Variants in ZFHX3 observed in about 807,000 individuals in gnomAD.
The protein encoded by ZFHX3 is zinc finger homeobox 3.
ZFHX3 carries 42 observed loss-of-function variants against 279.1 expected under a neutral mutation model. That is an observed-to-expected ratio of 0.15 (90% confidence interval 0.12 to 0.19). The LOEUF (loss-of-function observed/expected upper bound fraction) is 0.19. ZFHX3 is among the 10% of genes least tolerant of loss of function. The pLI, the probability that ZFHX3 is intolerant of heterozygous loss-of-function variation, is 1.00. For missense variants in ZFHX3, 4,981 were observed against 4,754.0 expected (o/e 1.05, Z -1.40); for synonymous variants, 2,293 against 1,957.8 (o/e 1.17, Z -4.52).
At chr16:73,830,500 A>G (rs1020588439) in intron 1 of ZFHX3, among the ~76,000 whole-genome samples, 2 of 152,196 alleles carry the variant, frequency 1.3e-5, no homozygotes, top group African/African-American at 2.4e-5. Flanking sequence ...CTGTGGGTAC[A>G]TGGGACATGA....
chr16:73,138,321 GT>G (rs1431157426), intron 6 of ZFHX3, among the ~76,000 whole-genome samples: 1 of 152,074 alleles, frequency 6.6e-6, no homozygotes, highest in East Asian at 1.9e-4. Context: ...GTTAATCAAC[GT>G]TTGGGCCCTG....
chr16:73,289,903 G>A (rs889885339), intron 4 of ZFHX3, among the ~76,000 whole-genome samples: 4 of 152,126 alleles, frequency 2.6e-5, no homozygotes, highest in Non-Finnish European at 5.9e-5. Context: ...GTCACCCGGG[G>A]CCCCTTTGGG....
At chr16:73,783,358 C>A (rs973467821) in intron 1 of ZFHX3, among the ~76,000 whole-genome samples, 1 of 152,208 alleles carries the variant, frequency 6.6e-6, no homozygotes. Flanking sequence ...CCATTTCCTT[C>A]CCTCCCTTAG....
chr16:73,434,758 T>C (rs1277507448), intron 3 of ZFHX3, among the ~76,000 whole-genome samples: 2 of 151,946 alleles, frequency 1.3e-5, no homozygotes, highest in Admixed American at 6.6e-5. Flanking sequence ...GCTGGGACAA[T>C]GGTGGAGGTG....
At chr16:73,535,424 A>T (rs1045480271) in intron 2 of ZFHX3, among the ~76,000 whole-genome samples, 6 of 152,192 alleles carry the variant, frequency 3.9e-5, no homozygotes, top group African/African-American at 1.4e-4. Context: ...GTGAGATCTG[A>T]GTGGCTATCT....
intron 1 of ZFHX3, among the ~76,000 whole-genome samples, chr16:73,806,083 G>T (rs865944500): frequency 6.6e-6 from 1 of 152,208 alleles, no homozygotes; most frequent in South Asian, 2.1e-4. Flanking sequence ...AATGGGTGAC[G>T]AGCAAAGGGG....
chr16:73,483,393 G>T (rs1223265152), intron 2 of ZFHX3: 4 of 455,876 alleles, frequency 8.8e-6, no homozygotes, highest in East Asian at 1.4e-4. Context: ...CCGGGAGCCA[G>T]GGTAGGGACC....
intron 2 of ZFHX3, among the ~76,000 whole-genome samples, chr16:72,953,354 A>T (rs1000493606): frequency 2.0e-5 from 3 of 152,176 alleles, no homozygotes; most frequent in Non-Finnish European, 4.4e-5. Context: ...GCCAGGCAAC[A>T]TCCAGGAAAC....
chr16:73,407,686 A>G (rs1001153070), intron 3 of ZFHX3, among the ~76,000 whole-genome samples: 1 of 152,330 alleles, frequency 6.6e-6, no homozygotes. Context: ...CCTCTCCTGC[A>G]TATAGAGATA....
At chr16:72,953,638 C>G (rs1240692952) in intron 2 of ZFHX3, among the ~76,000 whole-genome samples, 1 of 152,060 alleles carries the variant, frequency 6.6e-6, no homozygotes, top group Non-Finnish European at 1.5e-5. Context: ...ATTCTGTTGC[C>G]CAGGCTGGAG....
intron 1 of ZFHX3, among the ~76,000 whole-genome samples, chr16:73,727,149 AC>A (rs1404589979): frequency 6.6e-6 from 1 of 152,286 alleles, no homozygotes; most frequent in East Asian, 1.9e-4. Context: ...CAGAGAGGGG[AC>A]CAGATGCAGT....
chr16:72,937,862 T>C (rs1233983125), intron 3 of ZFHX3, among the ~76,000 whole-genome samples: 1 of 152,260 alleles, frequency 6.6e-6, no homozygotes, highest in Non-Finnish European at 1.5e-5. Context: ...TGGTGTCCTA[T>C]ACTTCTTAAC....
At chr16:73,740,894 A>T (rs1344839930) in intron 1 of ZFHX3, among the ~76,000 whole-genome samples, 1 of 152,216 alleles carries the variant, frequency 6.6e-6, no homozygotes, top group African/African-American at 2.4e-5. Flanking sequence ...GGACACCCTG[A>T]GGTTACCTCC....
intron 3 of ZFHX3, among the ~76,000 whole-genome samples, chr16:73,355,453 G>C (rs1187622860): frequency 6.6e-6 from 1 of 152,072 alleles, no homozygotes; most frequent in East Asian, 1.9e-4. Flanking sequence ...CTTCAACTAG[G>C]GGCAGAAAAG....
At chr16:73,671,960 A>C (rs2052908545) in intron 2 of ZFHX3, among the ~76,000 whole-genome samples, 1 of 151,976 alleles carries the variant, frequency 6.6e-6, no homozygotes, top group East Asian at 1.9e-4. Context: ...GAAGAGTGTC[A>C]TCTTTCTGCT....
intron 3 of ZFHX3, among the ~76,000 whole-genome samples, chr16:73,358,295 C>G (rs8051114): frequency 6.6e-6 from 1 of 152,142 alleles, no homozygotes; most frequent in Admixed American, 6.5e-5. Context: ...AAAGTGAAGG[C>G]GTGTCGCCTG....
At chr16:73,259,991 T>C (rs78695795) in intron 4 of ZFHX3, among the ~76,000 whole-genome samples, 4 of 152,214 alleles carry the variant, frequency 2.6e-5, no homozygotes, top group Non-Finnish European at 5.9e-5. Flanking sequence ...TAAATTTTTT[T>C]TTTCCTTTCC....
chr16:72,932,741 A>T (rs1052942480), intron 3 of ZFHX3, among the ~76,000 whole-genome samples: 2 of 152,052 alleles, frequency 1.3e-5, no homozygotes, highest in Admixed American at 1.3e-4. Flanking sequence ...AAACCAAATT[A>T]TAAAAATAAC....
At chr16:73,605,722 C>T (rs893482189) in intron 2 of ZFHX3, among the ~76,000 whole-genome samples, 5 of 151,794 alleles carry the variant, frequency 3.3e-5, no homozygotes, top group Admixed American at 2.0e-4. Context: ...AGAATGATGT[C>T]GTGAACAGCA....
Sources: allele counts gnomAD v4.1 joint callset (sites outside exome capture counted in the v4.1 genomes callset), GRCh38; gene constraint gnomAD v4.1.1; transcripts MANE v1.5; gene names NCBI Gene and HGNC (gene_info 2026-07-23, HGNC 2026-07-21).